GGA3: variants seen among roughly 807,000 people sequenced by gnomAD.
GGA3 encodes the protein golgi associated, gamma adaptin ear containing, ARF binding protein 3.
Under a neutral mutation model 77.5 loss-of-function variants are expected in GGA3, and 57 were observed. That is an observed-to-expected ratio of 0.74 (90% CI 0.59 to 0.92). The LOEUF is 0.92. GGA3 is among the 40% of genes least tolerant of loss of function. The probability of loss-of-function intolerance (pLI) is 0.00; values close to 1 mark genes in which losing one functional copy is unlikely to be tolerated. For missense variants in GGA3, 970 were observed against 914.9 expected, an observed-to-expected ratio of 1.06 and a Z score of -0.78; for synonymous variants, 416 against 383.7, an observed-to-expected ratio of 1.08 and a Z score of -0.98.
At chr17:75,261,331 A>T (rs765597846) in intron 1 of GGA3, among the ~76,000 whole-genome samples, 17 of 152,242 alleles carry the variant, frequency 1.1e-4, no homozygotes, top group African/African-American at 4.1e-4. Context: ...CGCGCGCCAG[A>T]GCAAGAGGAC....
intron 1 of GGA3, among the ~76,000 whole-genome samples, chr17:75,253,891 T>C (rs1252139424): frequency 6.6e-6 from 1 of 152,200 alleles, no homozygotes; most frequent in Non-Finnish European, 1.5e-5. Context: ...AACTCGCACC[T>C]GACCTAAAAC....
In GGA3 at chr17:75,243,093, G is replaced by A; in HGVS notation, c.498C>T (p.Asn166=). 6.2e-7 allele frequency: 1 copy of A among 1,613,486 alleles called. No individual in the cohort carries two copies. Among genetic ancestry groups the A allele is most frequent in the Non-Finnish European group, 8.5e-7 (1 of 1,179,586 alleles). ...ACTTCTCCTCATCATCAAAAACAGG[G>A]TTTTTGGGACGAGGTGGTGGAGAGG... The part of the protein sequence containing the change: ...LIPSPPPRPK[N]PVFDDEEKSK... Residue 166 remains asparagine (N), a synonymous_variant, in exon 6 of 17, where the codon AAC becomes AAT. Coordinates refer to ENST00000537686, the MANE Select transcript of GGA3 (RefSeq NM_138619.4).
At chr17:75,239,711 AC>A in intron 13 of GGA3, 77 bp downstream of exon 13, 1 of 1,527,496 alleles carries the variant, frequency 6.5e-7, no homozygotes, top group Non-Finnish European at 9.1e-7. Context: ...AGGCACCCCC[AC>A]CCCTTCAAAG....
upstream of GGA3, chr17:75,261,858 C>T: frequency 6.3e-7 from 1 of 1,585,642 alleles, no homozygotes; most frequent in South Asian, 1.1e-5. Context: ...CTCGCTCAGG[C>T]GCGCCGAGGG....
chr17:75,239,094 G>A lies in GGA3; in HGVS notation c.1781-11C>T, dbSNP rs760582483. On this transcript the variant is annotated splice_polypyrimidine_tract_variant and intron_variant, in intron 14 of 16. Coordinates refer to ENST00000537686, the MANE Select transcript of GGA3 (RefSeq NM_138619.4). The stretch of plus-strand genomic sequence containing the variant: ...CAGGAAGGGCACTGCCTGTAAGAAC[G>A]TGACGTGAGTGTGGGAGGAGCAGCA... 9.9e-6 allele frequency: 16 copies of A among 1,609,830 alleles called. No homozygotes were observed. The highest frequency in any genetic ancestry group is 1.6e-4 in the Middle Eastern group (1 of 6,076).
chr17:75,237,748 C>G lies in GGA3; in HGVS notation c.*531G>C. The G allele has an allele frequency of 2.1e-6, 3 of 1,432,192 alleles. No homozygotes were observed. The highest frequency in any genetic ancestry group is 5.1e-4 in the Middle Eastern group (2 of 3,918). 88.7% of individuals were successfully genotyped at this position (1,432,192 alleles called of 1,614,324 possible). A position where few individuals can be genotyped will look rare whatever the true frequency, so the allele number is the denominator to read the frequency against. ...CTTTGCAGTATGCCAGTTCCTTATT[C>G]TGGGCCAGGCACCTTCCTGGGCCAC... On this transcript the variant is annotated 3_prime_UTR_variant, in exon 17 of 17. Coordinates refer to ENST00000537686, the MANE Select transcript of GGA3 (RefSeq NM_138619.4).
chr17:75,259,403 A>G (rs2077268390), intron 1 of GGA3, among the ~76,000 whole-genome samples: 1 of 152,198 alleles, frequency 6.6e-6, no homozygotes, highest in South Asian at 2.1e-4. Flanking sequence ...TTTGTGAGAA[A>G]AGAGAATCTG....
At chr17:75,261,699 G>A (rs2077391617), upstream of GGA3, 2 of 1,186,542 alleles carry the variant, frequency 1.7e-6, no homozygotes, top group Non-Finnish European at 2.3e-6. Flanking sequence ...ACCGAGGGCC[G>A]CGCCAGACTG....
intron 3 of GGA3, among the ~76,000 whole-genome samples, chr17:75,245,768 G>A (rs189321964): frequency 1.3e-4 from 20 of 152,070 alleles, no homozygotes; most frequent in Admixed American, 6.5e-4. Flanking sequence ...CGATCCTCCC[G>A]GCCTAGGCCC....
In GGA3 at chr17:75,254,234, G is replaced by A. The variant is rs150740420; in HGVS notation, c.40+7314C>T. Among the ~76,000 whole-genome samples the A allele has an allele frequency of 2.8e-4, 42 of 151,702 alleles. No individual in the cohort carries two copies. The Middle Eastern group carries it at 0.01, about 37-fold the overall frequency. Reference sequence around the variant, plus strand: ...CTTTCCCCTTCTCCTCAGGCTGCTCGTCGCCAGGCCATCTAGGTCCCAATT... The same window carrying A: ...CTTTCCCCTTCTCCTCAGGCTGCTCATCGCCAGGCCATCTAGGTCCCAATT... On this transcript the variant is annotated intron_variant, in intron 1 of 16. Transcript: ENST00000537686.
intron 1 of GGA3, among the ~76,000 whole-genome samples, chr17:75,248,363 C>G (rs556319262): frequency 6.8e-6 from 1 of 147,584 alleles, no homozygotes; most frequent in South Asian, 2.1e-4. Flanking sequence ...CCCAGCTACT[C>G]GGTAGGCTGA....
upstream of GGA3, chr17:75,261,683 G>A (rs1598472883): frequency 7.8e-7 from 1 of 1,289,948 alleles, no homozygotes; most frequent in Non-Finnish European, 1.1e-6. Flanking sequence ...AGGAGTGAGT[G>A]CCGTCACCGA....
At chr17:75,261,746 G>C, upstream of GGA3, 5 of 1,145,102 alleles carry the variant, frequency 4.4e-6, no homozygotes, top group South Asian at 1.6e-5. Flanking sequence ...TCCTTTTGGC[G>C]CTCCCCTTTG....
intron 1 of GGA3, among the ~76,000 whole-genome samples, chr17:75,247,387 C>G (rs1375591354): frequency 6.6e-6 from 1 of 152,008 alleles, no homozygotes; most frequent in African/African-American, 2.4e-5. Flanking sequence ...CTCAGCCTCC[C>G]AAGTAGCTGG....
rs374189830 is a variant in GGA3, at chr17:75,246,692, C to G, written c.125+20G>C. The G allele has an allele frequency of 5.0e-6, 8 of 1,602,512 alleles. No individual in the cohort carries two copies. Among genetic ancestry groups the G allele is most frequent in the Non-Finnish European group, 6.0e-6 (7 of 1,169,488 alleles). On this transcript the variant is annotated intron_variant, in intron 2 of 16. Transcript: ENST00000537686. ...CCCAGTCCGCTCCCTCTCAGCTGCC[C>G]CCACAGTGCTGAGACTCACCCTTCC...
Position 75,240,362 on chromosome 17 carries a change from T to C in GGA3, c.1243A>G (p.Ser415Gly). 1 of 1,598,762 alleles carries C rather than the reference T, an allele frequency of 6.3e-7. No homozygotes were observed. The highest frequency in any genetic ancestry group is 8.5e-7 in the Non-Finnish European group (1 of 1,173,444). Residue 415 changes from serine to glycine, a missense_variant, in exon 12 of 17, where the codon AGC becomes GGC. By Grantham distance (56) the Ser-to-Gly change is moderately conservative. Transcript: ENST00000537686. Reference sequence around the variant, plus strand: ...CCTACCTGGAGCAGGTGCCACTGGCTGTTCCCAGCTGACTCTTTGGGAGGA... The same window carrying C: ...CCTACCTGGAGCAGGTGCCACTGGCCGTTCCCAGCTGACTCTTTGGGAGGA... ...NVPPKESAGNSQWHLLQREQS... is the reference protein window; with the variant it reads ...NVPPKESAGNGQWHLLQREQS...
intron 1 of GGA3, among the ~76,000 whole-genome samples, chr17:75,252,025 C>T (rs377564407): frequency 6.6e-6 from 1 of 151,460 alleles, no homozygotes; most frequent in East Asian, 1.9e-4. Flanking sequence ...CTTTAACTCC[C>T]AAGGTGCTAG....
chr17:75,261,564 G>GCTTT lies in GGA3; in HGVS notation c.20_23dup (p.Ser8ArgfsTer9). On this transcript the variant is annotated frameshift_variant, in exon 1 of 17. Coordinates refer to ENST00000537686, the MANE Select transcript of GGA3 (RefSeq NM_138619.4). LOFTEE classifies it high-confidence loss of function. ...GCTACTCACTGAGCCAGGACTCCAG[G>GCTTT]CTTTCCCCTTCCGCCTCCGCCATAT... is the stretch of plus-strand genomic sequence containing the variant. 6.4e-7 allele frequency: 1 copy of GCTTT among 1,556,172 alleles called. No homozygotes were observed. The highest frequency in any genetic ancestry group is 8.7e-7 in the Non-Finnish European group (1 of 1,153,132).
rs762208990 is a variant in GGA3, at chr17:75,246,501, G to C, written c.201+8C>G. On this transcript the variant is annotated splice_region_variant and intron_variant, in intron 3 of 16. Coordinates refer to ENST00000537686, the MANE Select transcript of GGA3 (RefSeq NM_138619.4). ...GCGGTTTCCACCTCCGGAGAGTGAA[G>C]GACCTACCGTCAGGGCCTGGAGCGC... 7 of 1,584,448 alleles carry C rather than the reference G, an allele frequency of 4.4e-6. No individual in the cohort carries two copies. The South Asian group carries it at 6.6e-5, about 15-fold the overall frequency.
Sources: gnomAD v4.1 joint callset for allele counts (sites outside exome capture counted in the v4.1 genomes callset) on GRCh38, gnomAD v4.1.1 for gene constraint, MANE v1.5 for transcripts, NCBI Gene and HGNC (gene_info 2026-07-23, HGNC 2026-07-21) for gene names.